Variants in CFAP91 observed in about 807,000 individuals in gnomAD.
The protein encoded by CFAP91 is cilia and flagella associated protein 91.
CFAP91 carries 85 observed loss-of-function variants against 95.9 expected under a neutral mutation model. The ratio of observed to expected loss-of-function variants is 0.89; its 90% confidence interval spans 0.74 to 1.06. The LOEUF (loss-of-function observed/expected upper bound fraction) is 1.06, where lower values mean the gene tolerates loss of function less well. CFAP91 is among the 50% of genes least tolerant of loss of function. The pLI is 0.00. For synonymous variants in CFAP91, 335 were observed against 327.5 expected, an observed-to-expected ratio of 1.02 and a Z score of -0.25; for missense variants, 962 against 943.4, an observed-to-expected ratio of 1.02 and a Z score of -0.26.
At position 119,733,767 on chromosome 3, in the gene CFAP91, A is replaced by G. The variant is rs1319312685; in HGVS notation, c.1344+261A>G. Among the ~76,000 whole-genome samples, 4 of 152,118 alleles carry G rather than the reference A, an allele frequency of 2.6e-5. No homozygotes were observed. The South Asian group carries it at 6.2e-4, about 24-fold the overall frequency. On this transcript the variant is annotated intron_variant, in intron 10 of 17. Coordinates refer to ENST00000273390, the MANE Select transcript of CFAP91 (RefSeq NM_033364.4). ...GAAAGCGTTTTCCACTTGGATCTCT[A>G]TATAAAATTTGACGCTATACTAAGG...
intron 13 of CFAP91, chr3:119,740,945 C>T (rs967155040): frequency 4.4e-6 from 2 of 459,062 alleles, no homozygotes; most frequent in Non-Finnish European, 8.0e-6. Context: ...ACCTCTGCCT[C>T]ACGGGTTCAA....
chr3:119,753,589 T>G (rs567086190), intron 17 of CFAP91, among the ~76,000 whole-genome samples: 1 of 152,202 alleles, frequency 6.6e-6, no homozygotes, highest in Non-Finnish European at 1.5e-5. Context: ...CATGACAGTC[T>G]GAACAAGTGG....
intron 6 of CFAP91, among the ~76,000 whole-genome samples, chr3:119,717,234 A>G (rs890139192): frequency 6.6e-6 from 1 of 152,208 alleles, no homozygotes; most frequent in African/African-American, 2.4e-5. Flanking sequence ...TAGACAGAGC[A>G]GAGTCAGGCA....
Position 119,706,861 on chromosome 3 carries a change from AG to A in CFAP91, c.178del (p.Ala60LeufsTer3), listed in dbSNP as rs1228755911. The A allele has an allele frequency of 3.7e-6, 6 of 1,612,910 alleles. No homozygotes were observed. The African/African-American group carries it at 8.1e-5, about 22-fold the overall frequency. ...EKDHTQANIQ[A>X]TLIRSRLRKV... ...AAGACCATACACAGGCAAATATCCA[AG>A]CTACCCTGATTCGCAGCAGACTGGT... On this transcript the variant is annotated frameshift_variant, in exon 2 of 18. Coordinates refer to ENST00000273390, the MANE Select transcript of CFAP91 (RefSeq NM_033364.4). LOFTEE classifies it high-confidence loss of function.
intron 17 of CFAP91, among the ~76,000 whole-genome samples, chr3:119,758,982 G>A (rs914440299): frequency 4.0e-5 from 6 of 151,892 alleles, no homozygotes; most frequent in Admixed American, 2.6e-4. Context: ...AGTGTATTTT[G>A]AATTTTATAA....
rs75744567 is a variant in CFAP91, at chr3:119,712,174, C to A, written c.500+2279C>A. On this transcript the variant is annotated intron_variant, in intron 5 of 17. Transcript: ENST00000273390. ...GTTGGGGAGGAGGTGGGAAAGGGAT[C>A]ATTGCTCTTTGTTACTCATATTTTA... 2.0e-5 allele frequency among the ~76,000 whole-genome samples: 3 copies of A among 152,160 alleles called. 1 individual carries two copies. In the South Asian group the frequency reaches 6.2e-4, roughly 32 times the overall value.
Position 119,737,925 on chromosome 3 carries a change from T to G in CFAP91, c.1461+443T>G, listed in dbSNP as rs558284963. ...TCAAAGAGCCCTGCCCAGGGCCACA[T>G]CTCACCAGACTCAATTTGAGCAAAG... On this transcript the variant is annotated intron_variant, in intron 11 of 17. Coordinates refer to ENST00000273390, the MANE Select transcript of CFAP91 (RefSeq NM_033364.4). Among the ~76,000 whole-genome samples the G allele has an allele frequency of 2.0e-5, 3 of 152,280 alleles. No homozygotes were observed. In the South Asian group the frequency reaches 6.2e-4, roughly 32 times the overall value.
At chr3:119,763,761 A>G (rs1469142386) in intron 17 of CFAP91, among the ~76,000 whole-genome samples, 1 of 152,104 alleles carries the variant, frequency 6.6e-6, no homozygotes, top group Non-Finnish European at 1.5e-5. Flanking sequence ...ACATACACAT[A>G]TGCTATCACT....
rs2107879043 is a variant in CFAP91, at chr3:119,726,185, G to A, written c.697G>A (p.Ala233Thr). The change falls in exon 7 of 18, where the codon GCA (alanine) becomes ACA (threonine). Residue 233 changes from alanine to threonine, a missense_variant. Transcript: ENST00000273390. ...TTATCCTGCAGGTCGGGGTCTCCCAGCAGGACAAGCTGAGGTGGAGATGAT... is the reference window on the plus strand; with the variant it reads ...TTATCCTGCAGGTCGGGGTCTCCCAACAGGACAAGCTGAGGTGGAGATGAT... The part of the protein sequence containing the change: ...ATLTWGRGLP[A>T]GQAEVEMIER... 1.2e-6 allele frequency: 2 copies of A among 1,611,004 alleles called. No homozygotes were observed. Among genetic ancestry groups the A allele is most frequent in the Middle Eastern group, 1.8e-4 (1 of 5,604 alleles).
chr3:119,710,199 TGTTA>T (rs1350632531), intron 5 of CFAP91: 16 of 234,252 alleles, frequency 6.8e-5, no homozygotes, highest in African/African-American at 2.3e-4. Flanking sequence ...TATTTCTTAC[TGTTA>T]GTTGTCCATT....
chr3:119,744,257 A>G, intron 14 of CFAP91, 61 bp downstream of exon 14: 3 of 1,341,590 alleles, frequency 2.2e-6, no homozygotes, highest in Non-Finnish European at 3.1e-6. Context: ...AAACCAAAGG[A>G]AGCTCATGAC....
At chr3:119,744,432 T>G (rs1229925243) in intron 14 of CFAP91, among the ~76,000 whole-genome samples, 1 of 152,180 alleles carries the variant, frequency 6.6e-6, no homozygotes, top group South Asian at 2.1e-4. Flanking sequence ...TTAGAAACTG[T>G]AATGAGTTCC....
intron 1 of CFAP91, among the ~76,000 whole-genome samples, chr3:119,703,719 G>A (rs2053304726): frequency 6.6e-6 from 1 of 152,028 alleles, no homozygotes. Flanking sequence ...TGGGTCCGCT[G>A]GCTCCTCTTG....
At chr3:119,719,932 G>A (rs1387636767) in intron 6 of CFAP91, among the ~76,000 whole-genome samples, 3 of 151,402 alleles carry the variant, frequency 2.0e-5, no homozygotes, top group South Asian at 2.1e-4. Flanking sequence ...GTGAAACCCC[G>A]TCTCTACTGA....
At chr3:119,739,543 G>A (rs1337212324) in intron 12 of CFAP91, among the ~76,000 whole-genome samples, 4 of 152,028 alleles carry the variant, frequency 2.6e-5, no homozygotes, top group African/African-American at 9.7e-5. Flanking sequence ...AGAGAGACAG[G>A]GAGGACCTAC....
At chr3:119,723,110 G>A (rs1187476195) in intron 6 of CFAP91, among the ~76,000 whole-genome samples, 1 of 151,946 alleles carries the variant, frequency 6.6e-6, no homozygotes, top group African/African-American at 2.4e-5. Context: ...ATACTCCCAC[G>A]AACTCCATTT....
intron 11 of CFAP91, among the ~76,000 whole-genome samples, chr3:119,738,184 T>C (rs959987689): frequency 4.6e-5 from 7 of 152,074 alleles, no homozygotes; most frequent in Admixed American, 1.3e-4. Context: ...GGGCAGGTGT[T>C]GGTGGGAGAC....
intron 2 of CFAP91, 187 bp downstream of exon 2, chr3:119,707,072 C>A: frequency 1.8e-5 from 10 of 564,940 alleles, no homozygotes; most frequent in South Asian, 5.0e-5. Flanking sequence ...GATTAAGTCA[C>A]CAATAATGAA....
Position 119,733,480 on chromosome 3 carries a change from G to C in CFAP91, c.1318G>C (p.Asp440His), listed in dbSNP as rs2053941889. 5 of 1,613,834 alleles carry C rather than the reference G, an allele frequency of 3.1e-6. No individual in the cohort carries two copies. The highest frequency in any genetic ancestry group is 3.4e-6 in the Non-Finnish European group (4 of 1,179,958). The change falls in exon 10 of 18, where the codon GAC (aspartate) becomes CAC (histidine). Residue 440 changes from aspartate to histidine, a missense_variant. Physicochemically the swap from Asp to His is moderately conservative, Grantham distance 81. Coordinates refer to ENST00000273390, the MANE Select transcript of CFAP91 (RefSeq NM_033364.4). ...TTTTCTGAAGAGGGCAGCAAGGTTG[G>C]ACTATGAGTTGGCAGAGGTTCATAA... Reference protein sequence around the residue: ...AGFLKRAARLDYELAEVHKAL... With the variant: ...AGFLKRAARLHYELAEVHKAL...
Sources: gnomAD v4.1 joint callset for allele counts (sites outside exome capture counted in the v4.1 genomes callset) on GRCh38, gnomAD v4.1.1 for gene constraint, MANE v1.5 for transcripts, NCBI Gene and HGNC (gene_info 2026-07-23, HGNC 2026-07-21) for gene names.